The following FAM117B variants were observed in gnomAD, a reference collection of about 807,000 sequenced individuals.
The protein encoded by FAM117B is family with sequence similarity 117 member B, also known as protein FAM117B.
Under a neutral mutation model 52.8 loss-of-function variants are expected in FAM117B, and 22 were observed. The ratio of observed to expected loss-of-function variants is 0.42; its 90% CI spans 0.30 to 0.59. The LOEUF (loss-of-function observed/expected upper bound fraction) is 0.59, where lower values mean the gene tolerates loss of function less well. FAM117B is among the 20% of genes least tolerant of loss of function. The pLI, the probability that FAM117B is intolerant of heterozygous loss-of-function variation, is 0.22. For missense variants in FAM117B, 678 were observed against 802.6 expected (o/e 0.84, Z 1.88); for synonymous variants, 309 against 324.1 (o/e 0.95, Z 0.50).
chr2:202,722,916 T>C (rs1691177120), intron 2 of FAM117B, among the ~76,000 whole-genome samples: 1 of 152,222 alleles, frequency 6.6e-6, no homozygotes, highest in African/African-American at 2.4e-5. Flanking sequence ...TTTGATACTT[T>C]ATGCTATATG....
chr2:202,720,598 A>T (rs974496919), intron 2 of FAM117B, among the ~76,000 whole-genome samples: 3 of 147,228 alleles, frequency 2.0e-5, no homozygotes, highest in Non-Finnish European at 3.1e-5. Flanking sequence ...AATTTCCCCA[A>T]TATGTCTTTT....
intron 1 of FAM117B, among the ~76,000 whole-genome samples, chr2:202,646,716 C>T (rs1689870976): frequency 6.6e-6 from 1 of 152,120 alleles, no homozygotes; most frequent in Admixed American, 6.5e-5. Flanking sequence ...ATCTTATTAG[C>T]CTATTCATTT....
In FAM117B at chr2:202,759,746, AT is replaced by A. The variant is rs565220986; in HGVS notation, c.1451+394del. ...CTAATTTTTTGTATTTTTAGTAGGG[AT>A]GGGGTTTCACCGCGTTAGCCAGGAT... On this transcript the variant is annotated intron_variant, in intron 7 of 7. Coordinates refer to ENST00000392238, the MANE Select transcript of FAM117B (RefSeq NM_173511.4). Among the ~76,000 whole-genome samples the A allele has an allele frequency of 3.2e-3, 487 of 151,824 alleles. 2 individuals are homozygous for A. The highest frequency in any genetic ancestry group is 0.011 in the African/African-American group (438 of 41,372).
chr2:202,718,234 C>A (rs1017392983), intron 2 of FAM117B, among the ~76,000 whole-genome samples: 1 of 152,226 alleles, frequency 6.6e-6, no homozygotes, highest in African/African-American at 2.4e-5. Flanking sequence ...AGAGCCAAGG[C>A]CTGGAATCGA....
chr2:202,759,038 G>A (rs892849774), intron 6 of FAM117B, among the ~76,000 whole-genome samples, 195 bp from the exon 7 acceptor site: 12 of 152,220 alleles, frequency 7.9e-5, no homozygotes, highest in African/African-American at 2.9e-4. Flanking sequence ...ACAGGCCTAG[G>A]CTATGGTAAT....
chr2:202,647,232 TA>T lies in FAM117B; in HGVS notation c.601+11451del, dbSNP rs549262406. 1.3e-3 allele frequency among the ~76,000 whole-genome samples: 197 copies of T among 152,202 alleles called. 1 individual carries two copies. The highest frequency in any genetic ancestry group is 4.4e-3 in the African/African-American group (184 of 41,560). On this transcript the variant is annotated intron_variant, in intron 1 of 7. Coordinates refer to ENST00000392238, the MANE Select transcript of FAM117B (RefSeq NM_173511.4). The stretch of plus-strand genomic sequence containing the variant: ...ACTAAAACCATAAAGCAAGGCAATA[TA>T]AAAAAATATAGCTTAACACAATTTT...
At chr2:202,689,650 A>G (rs1574556757) in intron 1 of FAM117B, among the ~76,000 whole-genome samples, 1 of 150,270 alleles carries the variant, frequency 6.7e-6, no homozygotes, top group East Asian at 2.0e-4. Flanking sequence ...AGGCACAGTG[A>G]CTCACGCCTG....
chr2:202,637,835 A>G (rs1298941166), intron 1 of FAM117B, among the ~76,000 whole-genome samples: 1 of 151,428 alleles, frequency 6.6e-6, no homozygotes, highest in Non-Finnish European at 1.5e-5. Flanking sequence ...TGTGGGAAAT[A>G]TATAGCACAC....
intron 4 of FAM117B, among the ~76,000 whole-genome samples, chr2:202,751,251 GA>G (rs1359944495): frequency 6.6e-6 from 1 of 152,204 alleles, no homozygotes; most frequent in Non-Finnish European, 1.5e-5. Context: ...GGTTACATCA[GA>G]AATTTGAGTT....
intron 4 of FAM117B, among the ~76,000 whole-genome samples, chr2:202,737,664 T>C (rs947496974): frequency 2.6e-5 from 4 of 152,072 alleles, no homozygotes; most frequent in African/African-American, 9.7e-5. Context: ...TGCAGTGGCG[T>C]GATCTTGGCT....
intron 2 of FAM117B, among the ~76,000 whole-genome samples, chr2:202,704,887 G>A (rs922773748): frequency 3.3e-5 from 5 of 152,058 alleles, no homozygotes; most frequent in Admixed American, 6.6e-5. Context: ...GCAGGTGTGA[G>A]CCAGTGCGCC....
intron 1 of FAM117B, among the ~76,000 whole-genome samples, chr2:202,666,204 T>C (rs928475165): frequency 6.6e-6 from 1 of 152,082 alleles, no homozygotes; most frequent in Non-Finnish European, 1.5e-5. Context: ...CAAAAGCAGA[T>C]TGGGTCTTTA....
chr2:202,673,679 C>T (rs1242353333), intron 1 of FAM117B, among the ~76,000 whole-genome samples: 6 of 151,584 alleles, frequency 4.0e-5, no homozygotes, highest in Non-Finnish European at 8.8e-5. Flanking sequence ...AACTCTTGAC[C>T]TCAGGTGATC....
chr2:202,637,854 C>T lies in FAM117B; in HGVS notation c.601+2066C>T, dbSNP rs764896909. ...GGAAATATATAGCACACCAAAATTACATGTACTTAGTTAGGTAACTTTTTT... is the reference window on the plus strand; with the variant it reads ...GGAAATATATAGCACACCAAAATTATATGTACTTAGTTAGGTAACTTTTTT... On this transcript the variant is annotated intron_variant, in intron 1 of 7. Coordinates refer to ENST00000392238, the MANE Select transcript of FAM117B (RefSeq NM_173511.4). 2.7e-5 allele frequency among the ~76,000 whole-genome samples: 4 copies of T among 149,388 alleles called. No homozygotes were observed. In the Admixed American group the frequency reaches 2.7e-4, roughly 10 times the overall value.
At chr2:202,682,515 G>A (rs935048006) in intron 1 of FAM117B, among the ~76,000 whole-genome samples, 1 of 152,192 alleles carries the variant, frequency 6.6e-6, no homozygotes. Flanking sequence ...TGCCAATGCC[G>A]AAGTGGCTGG....
At chr2:202,738,869 CAAAAT>C (rs1179322263) in intron 4 of FAM117B, among the ~76,000 whole-genome samples, 2 of 152,204 alleles carry the variant, frequency 1.3e-5, no homozygotes, top group East Asian at 3.9e-4. Flanking sequence ...CTCTATAAAA[CAAAAT>C]GGAGCTTCAG....
At chr2:202,743,393 G>T (rs566142190) in intron 4 of FAM117B, among the ~76,000 whole-genome samples, 1 of 152,016 alleles carries the variant, frequency 6.6e-6, no homozygotes, top group South Asian at 2.1e-4. Context: ...ATAGGAAAAA[G>T]GCTTTCCCTA....
At chr2:202,674,440 A>G (rs1383961334) in intron 1 of FAM117B, among the ~76,000 whole-genome samples, 1 of 152,238 alleles carries the variant, frequency 6.6e-6, no homozygotes, top group Non-Finnish European at 1.5e-5. Flanking sequence ...ATAACTGATG[A>G]AGTTGAATTT....
At chr2:202,719,675 G>C (rs867326493) in intron 2 of FAM117B, among the ~76,000 whole-genome samples, 25 of 152,032 alleles carry the variant, frequency 1.6e-4, no homozygotes, top group African/African-American at 5.8e-4. Context: ...TTTAATATAT[G>C]GTTTATATTC....
Sources: allele counts gnomAD v4.1 joint callset (sites outside exome capture counted in the v4.1 genomes callset), GRCh38; gene constraint gnomAD v4.1.1; transcripts MANE v1.5; gene names NCBI Gene and HGNC (gene_info 2026-07-23, HGNC 2026-07-21).